Variants in SIPA1L2 observed in about 807,000 individuals in gnomAD.
The protein encoded by SIPA1L2 is signal induced proliferation associated 1 like 2, also known as signal-induced proliferation-associated 1-like protein 2.
SIPA1L2 carries 56 observed loss-of-function variants against 163.9 expected under a neutral mutation model. The observed-to-expected ratio is 0.34, with a 90% confidence interval of 0.28 to 0.43. The LOEUF (loss-of-function observed/expected upper bound fraction) is 0.43. SIPA1L2 is among the 20% of genes least tolerant of loss of function. The pLI is 1.00. For missense variants in SIPA1L2, 1,974 were observed against 2,193.5 expected (o/e 0.90, Z 2.00); for synonymous variants, 877 against 865.7 (o/e 1.01, Z -0.23).
At position 232,445,651 on chromosome 1, in the gene SIPA1L2, G is replaced by C. The variant is rs776527031; in HGVS notation, c.3231C>G (p.Leu1077=). Residue 1077 remains leucine, a synonymous_variant, in exon 11 of 23, where the codon CTC becomes CTG. Coordinates refer to ENST00000674635, the MANE Select transcript of SIPA1L2 (RefSeq NM_020808.5). ...TGCCGGGGATGGGGGAAGCTCTAGA[G>C]AGGGGCTGCAGGGCAGGAGTGGGCA... is the stretch of plus-strand genomic sequence containing the variant. The part of the protein sequence containing the change: ...HRVPTPALQP[L]SRASPIPGTP... The C allele has an allele frequency of 6.2e-7, 1 of 1,613,850 alleles. No individual in the cohort carries two copies. The highest frequency in any genetic ancestry group is 1.1e-5 in the South Asian group (1 of 91,048).
intron 2 of SIPA1L2, among the ~76,000 whole-genome samples, chr1:232,534,058 C>T (rs75227725): frequency 0.024 from 3,692 of 151,412 alleles, 161 homozygotes; most frequent in African/African-American, 0.086. Context: ...TCATATGAAA[C>T]CTCAAGGGAC....
chr1:232,603,639 C>T (rs1048977010), intron 1 of SIPA1L2, among the ~76,000 whole-genome samples: 3 of 151,980 alleles, frequency 2.0e-5, no homozygotes, highest in Admixed American at 6.6e-5. Flanking sequence ...AAGACTGGGG[C>T]AGCACCAGCA....
intron 5 of SIPA1L2, among the ~76,000 whole-genome samples, chr1:232,490,473 C>T (rs766140529): frequency 5.3e-5 from 8 of 152,146 alleles, no homozygotes; most frequent in African/African-American, 7.2e-5. Flanking sequence ...ATCTTCCTAA[C>T]GCTTGCTGTT....
In SIPA1L2 at chr1:232,514,629, G is replaced by A; in HGVS notation, c.711C>T (p.Asp237=). The A allele has an allele frequency of 6.2e-7, 1 of 1,614,230 alleles. No homozygotes were observed. Among genetic ancestry groups the A allele is most frequent in the African/African-American group, 1.3e-5 (1 of 75,054 alleles). Residue 237 remains aspartate, a synonymous_variant, in exon 3 of 23, where the codon GAC becomes GAT. Coordinates refer to ENST00000674635, the MANE Select transcript of SIPA1L2 (RefSeq NM_020808.5). ...CATGAAGGCTCGGAGAGATTGCAGG[G>A]TCACAGCGGAAAAATTCAGGGAACC... ...PFGFPEFFRC[D]PAISPSLHAA...
intron 10 of SIPA1L2, among the ~76,000 whole-genome samples, chr1:232,458,723 A>C (rs1664063833): frequency 1.3e-5 from 2 of 152,350 alleles, no homozygotes; most frequent in South Asian, 4.1e-4. Flanking sequence ...CAGAAATCTT[A>C]CTGTATGAAA....
chr1:232,615,248 G>A (rs1662441855), intron 1 of SIPA1L2, among the ~76,000 whole-genome samples: 1 of 152,216 alleles, frequency 6.6e-6, no homozygotes, highest in African/African-American at 2.4e-5. Flanking sequence ...CACAGGCTCG[G>A]AATCTACTCC....
chr1:232,501,383 G>C (rs1666473720), intron 3 of SIPA1L2, among the ~76,000 whole-genome samples: 1 of 152,146 alleles, frequency 6.6e-6, no homozygotes, highest in African/African-American at 2.4e-5. Flanking sequence ...GATGTGGTCT[G>C]ACACTGACCC....
chr1:232,439,529 G>A, intron 14 of SIPA1L2, 33 bp from the exon 15 acceptor site: 1 of 1,584,720 alleles, frequency 6.3e-7, no homozygotes, highest in South Asian at 1.2e-5. Flanking sequence ...GAGTTCTCAA[G>A]TGAATCTTGA....
intron 1 of SIPA1L2, among the ~76,000 whole-genome samples, chr1:232,608,676 A>G (rs17805981): frequency 0.16 from 24,198 of 152,188 alleles, 2,422 homozygotes; most frequent in Middle Eastern, 0.3. Context: ...CTGCACACCC[A>G]TATCTCTGCA....
At chr1:232,414,446 G>T (rs941329739) in intron 19 of SIPA1L2, among the ~76,000 whole-genome samples, 4 of 152,162 alleles carry the variant, frequency 2.6e-5, no homozygotes, top group African/African-American at 9.7e-5. Flanking sequence ...CCTGGGAAAA[G>T]AATTTGATTT....
intron 3 of SIPA1L2, among the ~76,000 whole-genome samples, chr1:232,512,055 G>A (rs1667003282): frequency 1.3e-5 from 2 of 152,140 alleles, no homozygotes; most frequent in South Asian, 4.1e-4. Context: ...ATCAAAAAGT[G>A]GGCAAAGGAT....
intron 5 of SIPA1L2, among the ~76,000 whole-genome samples, chr1:232,487,405 C>T (rs957211835): frequency 3.3e-5 from 5 of 152,088 alleles, no homozygotes; most frequent in Admixed American, 1.3e-4. Context: ...TGCTTGACTT[C>T]GGTTGAAACA....
chr1:232,409,316 G>A (rs1660817570), intron 19 of SIPA1L2, among the ~76,000 whole-genome samples: 1 of 152,034 alleles, frequency 6.6e-6, no homozygotes. Context: ...AGCGTTCCTT[G>A]GAATTCTCTC....
chr1:232,451,500 G>A (rs926488866), intron 10 of SIPA1L2, among the ~76,000 whole-genome samples: 3 of 152,082 alleles, frequency 2.0e-5, no homozygotes, highest in African/African-American at 7.2e-5. Flanking sequence ...CAGACCAAAT[G>A]CCCAAAAACC....
intron 2 of SIPA1L2, among the ~76,000 whole-genome samples, chr1:232,528,433 T>C (rs1667824499): frequency 6.6e-6 from 1 of 152,108 alleles, no homozygotes; most frequent in African/African-American, 2.4e-5. Context: ...TTTTAAAAAT[T>C]AGAAATAAAA....
At chr1:232,548,157 A>G (rs779277641) in intron 2 of SIPA1L2, among the ~76,000 whole-genome samples, 2 of 152,206 alleles carry the variant, frequency 1.3e-5, no homozygotes, top group Admixed American at 6.5e-5. Context: ...AAAAATAAAC[A>G]CTAGTATGAT....
chr1:232,569,444 T>C (rs1659590389), intron 2 of SIPA1L2, among the ~76,000 whole-genome samples: 2 of 152,184 alleles, frequency 1.3e-5, no homozygotes, highest in Non-Finnish European at 2.9e-5. Flanking sequence ...GTTCCTCCTG[T>C]AGAGATCTAG....
In SIPA1L2 at chr1:232,440,249, G is replaced by A. The variant is rs116158598; in HGVS notation, c.3643-753C>T. ...CTCTACAATGTACTCATACAGACAC[G>A]GCCTCTCTTCACAGTCTGGGAAAAG... On this transcript the variant is annotated intron_variant, in intron 14 of 22. Transcript: ENST00000674635. 5.1e-3 allele frequency among the ~76,000 whole-genome samples: 778 copies of A among 152,258 alleles called. 6 individuals carry two copies. The highest frequency in any genetic ancestry group is 0.018 in the African/African-American group (730 of 41,542).
intron 10 of SIPA1L2, among the ~76,000 whole-genome samples, chr1:232,448,880 G>A (rs1441312478): frequency 6.6e-6 from 1 of 152,186 alleles, no homozygotes; most frequent in East Asian, 1.9e-4. Context: ...CAACAGCAGT[G>A]GTTTTTAGAG....
Sources: gnomAD v4.1 joint callset for allele counts (sites outside exome capture counted in the v4.1 genomes callset) on GRCh38, gnomAD v4.1.1 for gene constraint, MANE v1.5 for transcripts, NCBI Gene and HGNC (gene_info 2026-07-23, HGNC 2026-07-21) for gene names.